Variants in BMAL1 observed in about 807,000 individuals in gnomAD.
BMAL1 encodes basic helix-loop-helix ARNT-like protein 1.
At chr11:13,276,764 C>A in the BMAL1 span, 2 of 152,194 alleles carry the variant, frequency 1.3e-5, no homozygotes, top group Non-Finnish European at 2.9e-5. Context: ...GTTCTTTGTG[C>A]TAAAGGCCCT....
At chr11:13,347,578 G>A in the BMAL1 span, among the ~76,000 whole-genome samples, 218 of 152,226 alleles carry the variant, frequency 1.4e-3, 1 homozygote, top group African/African-American at 4.9e-3. Context: ...TGGGCATGGT[G>A]GCTCACACCT....
the BMAL1 span, among the ~76,000 whole-genome samples, chr11:13,363,424 G>GGTTT: frequency 6.6e-6 from 1 of 151,944 alleles, no homozygotes; most frequent in African/African-American, 2.4e-5. Context: ...GCCCGATGAA[G>GGTTT]GTTTTGTCAC....
chr11:13,345,733 G>A, the BMAL1 span, among the ~76,000 whole-genome samples: 1 of 152,166 alleles, frequency 6.6e-6, no homozygotes, highest in Non-Finnish European at 1.5e-5. Context: ...TCCTCACCTT[G>A]AAAATTGGGA....
the BMAL1 span, among the ~76,000 whole-genome samples, chr11:13,277,338 G>T: frequency 7.9e-5 from 12 of 152,108 alleles, no homozygotes; most frequent in Non-Finnish European, 1.6e-4. Context: ...AGAGAAGAGG[G>T]ACATCCCGGG....
chr11:13,305,743 A>G, the BMAL1 span, among the ~76,000 whole-genome samples: 1 of 152,080 alleles, frequency 6.6e-6, no homozygotes, highest in Non-Finnish European at 1.5e-5. Context: ...TTTGTTGTAG[A>G]TGCCACTTGC....
chr11:13,364,423 GA>G, the BMAL1 span, among the ~76,000 whole-genome samples: 1 of 152,184 alleles, frequency 6.6e-6, no homozygotes, highest in Non-Finnish European at 1.5e-5. Flanking sequence ...CTAGTTCTTT[GA>G]ATTAAACCAC....
the BMAL1 span, among the ~76,000 whole-genome samples, chr11:13,373,914 A>G: frequency 1.3e-5 from 2 of 151,514 alleles, no homozygotes; most frequent in Non-Finnish European, 2.9e-5. Flanking sequence ...GATTAAATTC[A>G]GATGCCTGAA....
the BMAL1 span, among the ~76,000 whole-genome samples, chr11:13,287,958 A>G: frequency 1.3e-5 from 2 of 152,208 alleles, no homozygotes; most frequent in South Asian, 2.1e-4. Context: ...CTGCAGTTTG[A>G]TTGCCTTGTG....
chr11:13,318,473 G>T, the BMAL1 span, among the ~76,000 whole-genome samples: 1 of 150,216 alleles, frequency 6.7e-6, no homozygotes, highest in Non-Finnish European at 1.5e-5. Flanking sequence ...TTGAAGGGGG[G>T]TTGCAATCAA....
At chr11:13,379,590 G>T in the BMAL1 span, 43 of 152,298 alleles carry the variant, frequency 2.8e-4, no homozygotes, top group African/African-American at 9.6e-4. Flanking sequence ...TTGACCTCAA[G>T]AATTTTAAAA....
chr11:13,332,256 T>C, the BMAL1 span, among the ~76,000 whole-genome samples: 9 of 152,300 alleles, frequency 5.9e-5, no homozygotes, highest in East Asian at 1.7e-3. Flanking sequence ...CCCAGGGAGT[T>C]CCTAGCCAGA....
At chr11:13,317,066 A>G in the BMAL1 span, among the ~76,000 whole-genome samples, 1 of 152,214 alleles carries the variant, frequency 6.6e-6, no homozygotes, top group East Asian at 1.9e-4. Flanking sequence ...AGTGGAATGA[A>G]GATGTGCTTA....
At chr11:13,346,243 T>C in the BMAL1 span, among the ~76,000 whole-genome samples, 918 of 152,326 alleles carry the variant, frequency 6.0e-3, 8 homozygotes, top group African/African-American at 0.021. Context: ...GCCAGTCACA[T>C]GGCCAGGCCT....
the BMAL1 span, among the ~76,000 whole-genome samples, chr11:13,342,306 G>GA: frequency 2.0e-5 from 3 of 152,216 alleles, no homozygotes; most frequent in Non-Finnish European, 2.9e-5. Context: ...AGTGGGACAT[G>GA]AACCTCAGAG....
the BMAL1 span, among the ~76,000 whole-genome samples, chr11:13,329,457 C>T: frequency 3.3e-5 from 5 of 152,126 alleles, no homozygotes; most frequent in Middle Eastern, 3.2e-3. Flanking sequence ...CCAATATGGA[C>T]GACACTTCTC....
chr11:13,298,243 G>A, the BMAL1 span, among the ~76,000 whole-genome samples: 1 of 152,204 alleles, frequency 6.6e-6, no homozygotes, highest in East Asian at 1.9e-4. Flanking sequence ...TCCAGCCACA[G>A]TGGAATCCGT....
chr11:13,381,108 C>T, the BMAL1 span: 41 of 1,568,352 alleles, frequency 2.6e-5, no homozygotes, highest in Non-Finnish European at 3.6e-5. Context: ...CTTAACAAAG[C>T]ACATACACTC....
chr11:13,375,758 G>C, the BMAL1 span: 1 of 1,559,076 alleles, frequency 6.4e-7, no homozygotes, highest in Non-Finnish European at 8.6e-7. Flanking sequence ...TAACACTGTT[G>C]TTTTGTAAGT....
chr11:13,322,247 A>G, the BMAL1 span, among the ~76,000 whole-genome samples: 6 of 152,162 alleles, frequency 3.9e-5, no homozygotes, highest in Admixed American at 3.3e-4. Context: ...TCCTGAGTGC[A>G]CTGGTTTTAG....
Sources: allele counts gnomAD v4.1 joint callset (sites outside exome capture counted in the v4.1 genomes callset), GRCh38; gene constraint gnomAD v4.1.1; transcripts MANE v1.5; gene names NCBI Gene and HGNC (gene_info 2026-07-23, HGNC 2026-07-21).